Variants in ALDH1L1 observed in about 807,000 individuals in gnomAD.
ALDH1L1 encodes the protein aldehyde dehydrogenase 1 family member L1.
In ALDH1L1, 68 loss-of-function variants were observed where a neutral mutation model predicts 101.1. That is an observed-to-expected ratio of 0.67 (90% CI 0.55 to 0.82). The LOEUF is 0.82. ALDH1L1 is among the 40% of genes least tolerant of loss of function. The pLI, the probability that ALDH1L1 is intolerant of heterozygous loss-of-function variation, is 0.00. For synonymous variants in ALDH1L1, 486 were observed against 470.8 expected (o/e 1.03, Z -0.42); for missense variants, 1,087 against 1,172.7 (o/e 0.93, Z 1.07).
rs982054991 is a variant in ALDH1L1, at chr3:126,130,613, T to C, written c.1624-320A>G. Among the ~76,000 whole-genome samples, 6 of 152,148 alleles carry C rather than the reference T, an allele frequency of 3.9e-5. No individual in the cohort carries two copies. In the East Asian group the frequency reaches 9.7e-4, roughly 24 times the overall value. On this transcript the variant is annotated intron_variant, in intron 13 of 22. Transcript: ENST00000393434. ...CCACAGCTCTAAGCAGTTGAGCACA[T>C]GTAGAAGGCCCAGGCCTTGGGGGGT...
chr3:126,161,934 G>GATATATAT (rs34367231), intron 1 of ALDH1L1, among the ~76,000 whole-genome samples: 2,393 of 150,550 alleles, frequency 0.016, 56 homozygotes, highest in African/African-American at 0.052. Flanking sequence ...GGTTTCGCTT[G>GATATATAT]ATATATATAT....
intron 2 of ALDH1L1, among the ~76,000 whole-genome samples, chr3:126,159,221 TGCACACAC>T (rs2080987082): frequency 6.7e-6 from 1 of 150,176 alleles, no homozygotes; most frequent in African/African-American, 2.5e-5. Flanking sequence ...CACACATGCG[TGCACACAC>T]ACACACACAC....
intron 2 of ALDH1L1, 108 bp from the exon 3 acceptor site, chr3:126,158,747 C>T: frequency 9.7e-7 from 1 of 1,027,468 alleles, no homozygotes; most frequent in Admixed American, 2.1e-5. Flanking sequence ...CATTCCTGCC[C>T]CCTCACCCAC....
At chr3:126,162,904 A>G (rs2081090280) in intron 1 of ALDH1L1, among the ~76,000 whole-genome samples, 1 of 152,192 alleles carries the variant, frequency 6.6e-6, no homozygotes, top group Admixed American at 6.5e-5. Context: ...TTCCATCTGC[A>G]TATAAAATTA....
At chr3:126,163,349 T>C (rs2081101010) in intron 1 of ALDH1L1, among the ~76,000 whole-genome samples, 1 of 151,642 alleles carries the variant, frequency 6.6e-6, no homozygotes, top group Non-Finnish European at 1.5e-5. Context: ...ACTGTGTAGA[T>C]TCTTTGTGGT....
chr3:126,139,584 T>A (rs186393186), intron 9 of ALDH1L1, among the ~76,000 whole-genome samples: 2 of 152,238 alleles, frequency 1.3e-5, no homozygotes, highest in Non-Finnish European at 2.9e-5. Context: ...AGATCAGATA[T>A]CGGAATTATT....
chr3:126,136,822 T>G lies in ALDH1L1; in HGVS notation c.1286A>C (p.Glu429Ala), dbSNP rs9282691. The G allele has an allele frequency of 0.012, 18,581 of 1,608,130 alleles. 1,707 individuals are homozygous for G. In the African/African-American group the frequency reaches 0.21, roughly 18 times the overall value. Residue 429 changes from glutamate to alanine, a missense_variant, in exon 11 of 23, where the codon GAG becomes GCG. Transcript: ENST00000393434. ...RMPHQLFIGG[E>A]FVDAEGAKTS... is the part of the protein sequence containing the mutation. ...CTTGGCGCCCTCGGCATCCACGAAC[T>G]CCCCCCCAATGAAGAGCTGGTGGGG...
At position 126,130,279 on chromosome 3, in the gene ALDH1L1, G is replaced by C. The variant is rs2080274831; in HGVS notation, c.1638C>G (p.Pro546=). Residue 546 remains proline (P), a synonymous_variant, in exon 14 of 23, where the codon CCC becomes CCG. Transcript: ENST00000393434. The part of the protein sequence containing the change: ...WCDKIQGSTI[P]INQARPNRNL... ...TGCGGTTGGGTCTGGCCTGGTTGAT[G>C]GGGATGGTGGAGCCCTGGAAGAGGA... 2.5e-6 allele frequency: 4 copies of C among 1,610,166 alleles called. No homozygotes were observed.
intron 9 of ALDH1L1, among the ~76,000 whole-genome samples, chr3:126,140,891 T>C (rs1170769609): frequency 6.6e-6 from 1 of 151,788 alleles, no homozygotes; most frequent in East Asian, 1.9e-4. Flanking sequence ...AAATAAGACA[T>C]TCAGAAAACA....
chr3:126,191,402 C>T (rs1437215999), intron 1 of ALDH1L1, among the ~76,000 whole-genome samples: 2 of 152,134 alleles, frequency 1.3e-5, no homozygotes, highest in Non-Finnish European at 2.9e-5. Context: ...GTGCAATGGG[C>T]CTATTGTTTT....
chr3:126,125,915 CT>C (rs1463957417), intron 14 of ALDH1L1, among the ~76,000 whole-genome samples, 194 bp from the exon 15 acceptor site: 1 of 152,188 alleles, frequency 6.6e-6, no homozygotes, highest in Admixed American at 6.5e-5. Context: ...AAGAATTGGT[CT>C]GGCAGCAGCC....
intron 8 of ALDH1L1, among the ~76,000 whole-genome samples, chr3:126,150,198 C>G (rs2080780381): frequency 6.6e-6 from 1 of 152,210 alleles, no homozygotes; most frequent in Non-Finnish European, 1.5e-5. Flanking sequence ...CTGAACTGGC[C>G]AGATCCCAGG....
intron 7 of ALDH1L1, 146 bp downstream of exon 7, chr3:126,153,298 G>T: frequency 7.8e-7 from 1 of 1,287,580 alleles, no homozygotes; most frequent in Non-Finnish European, 1.1e-6. Context: ...GGGTGGTCAG[G>T]GACAAATCAG....
upstream of ALDH1L1, among the ~76,000 whole-genome samples, chr3:126,186,395 G>A (rs1264526334): frequency 6.6e-6 from 1 of 152,200 alleles, no homozygotes; most frequent in African/African-American, 2.4e-5. Flanking sequence ...GCGCAGGCAT[G>A]TGCAAGACAA....
rs1381378924 is a variant in ALDH1L1 at position 126,157,386 on chromosome 3, G to A, written c.485C>T (p.Thr162Met). 11 of 1,614,054 alleles carry A rather than the reference G, an allele frequency of 6.8e-6. No homozygotes were observed. Among genetic ancestry groups the A allele is most frequent in the Middle Eastern group, 3.3e-4 (2 of 6,062 alleles). Reference protein sequence around the residue: ...CEVLPDDTVSTLYNRFLFPEG... With the variant: ...CEVLPDDTVSMLYNRFLFPEG... ...AGGGAAGAGGAAGCGGTTGTACAGC[G>A]TGCTCACGGTGTCGTCCGGGAGCAC... is the stretch of plus-strand genomic sequence containing the variant. Residue 162 changes from threonine to methionine, a missense_variant, in exon 4 of 23, where the codon ACG becomes ATG. By Grantham distance (81) the Thr-to-Met change is moderately conservative. Coordinates refer to ENST00000393434, the MANE Select transcript of ALDH1L1 (RefSeq NM_012190.4).
intron 17 of ALDH1L1, among the ~76,000 whole-genome samples, chr3:126,117,054 G>T (rs1167463907): frequency 6.6e-6 from 1 of 151,966 alleles, no homozygotes; most frequent in East Asian, 1.9e-4. Context: ...GACCAGGCTG[G>T]GCAACATAGC....
intron 9 of ALDH1L1, among the ~76,000 whole-genome samples, chr3:126,138,265 T>C (rs1260245511): frequency 6.6e-6 from 1 of 152,130 alleles, no homozygotes; most frequent in Non-Finnish European, 1.5e-5. Context: ...GATGAGTAAA[T>C]ACGACAACCC....
chr3:126,125,478 G>A, intron 15 of ALDH1L1, 138 bp downstream of exon 15: 1 of 546,560 alleles, frequency 1.8e-6, no homozygotes. Flanking sequence ...GGGGCCCATG[G>A]AGGGCAGCTG....
At chr3:126,133,532 A>G (rs575960853) in intron 12 of ALDH1L1, among the ~76,000 whole-genome samples, 2 of 152,300 alleles carry the variant, frequency 1.3e-5, no homozygotes, top group East Asian at 3.9e-4. Context: ...CTGTGTCATC[A>G]ATCCAGTTCC....
Sources: gnomAD v4.1 joint callset for allele counts (sites outside exome capture counted in the v4.1 genomes callset) on GRCh38, gnomAD v4.1.1 for gene constraint, MANE v1.5 for transcripts, NCBI Gene and HGNC (gene_info 2026-07-23, HGNC 2026-07-21) for gene names.